Variants in PREPL observed in about 807,000 individuals in gnomAD.
PREPL encodes prolyl endopeptidase-like.
A neutral mutation model predicts 70.6 loss-of-function variants in PREPL; 77 were observed. That is an observed-to-expected ratio of 1.09 (90% confidence interval 0.91 to 1.32). PREPL has a LOEUF of 1.32. PREPL is among the 40% of genes most tolerant of loss of function. The pLI is 0.00. For missense variants in PREPL, 1,002 were observed against 778.2 expected (o/e 1.29, Z -3.42); for synonymous variants, 315 against 264.8 (o/e 1.19, Z -1.84).
In PREPL at chr2:44,321,445, T is replaced by A. The variant is rs751603399; in HGVS notation, c.1828A>T (p.Ile610Phe). 2.2e-5 allele frequency: 36 copies of A among 1,611,530 alleles called. No homozygotes were observed. In the Admixed American group the frequency reaches 5.7e-4, roughly 25 times the overall value. Reference protein sequence around the residue: ...NHVIEDSHKKITAQIKFLYEE... With the variant: ...NHVIEDSHKKFTAQIKFLYEE... ...TACAGGAATTTAATTTGGGCTGTAATCTAAAAGAAACACATTAAAAAAATT... is the reference window on the plus strand; with the variant it reads ...TACAGGAATTTAATTTGGGCTGTAAACTAAAAGAAACACATTAAAAAAATT... The change falls in exon 14 of 14, where the codon ATT (isoleucine) becomes TTT (phenylalanine). Residue 610 changes from isoleucine to phenylalanine, a missense_variant and splice_region_variant. Ile to Phe is a conservative substitution (Grantham distance 21). Transcript: ENST00000409411.
intron 8 of PREPL, among the ~76,000 whole-genome samples, chr2:44,331,036 G>C (rs2103814783): frequency 6.6e-6 from 1 of 152,158 alleles, no homozygotes; most frequent in South Asian, 2.1e-4. Flanking sequence ...TCAACCTCCT[G>C]GGCTCAAGCA....
chr2:44,334,286 C>G (rs1397161869), intron 7 of PREPL, among the ~76,000 whole-genome samples: 1 of 152,168 alleles, frequency 6.6e-6, no homozygotes, highest in African/African-American at 2.4e-5. Context: ...TCAGTTTTAG[C>G]ACTCTACCAG....
chr2:44,352,361 TCAAG>T (rs1317503449), intron 1 of PREPL, among the ~76,000 whole-genome samples: 7 of 152,258 alleles, frequency 4.6e-5, no homozygotes, highest in Non-Finnish European at 7.4e-5. Context: ...CCTCCTGGGC[TCAAG>T]CAATTGATCC....
chr2:44,327,065 G>C, intron 9 of PREPL, 137 bp from the exon 10 acceptor site: 1 of 700,738 alleles, frequency 1.4e-6, no homozygotes, highest in South Asian at 1.8e-5. Context: ...TAAAGGTTGA[G>C]TGAAAACAAG....
At chr2:44,349,760 A>G (rs2104085308) in intron 1 of PREPL, among the ~76,000 whole-genome samples, 1 of 152,276 alleles carries the variant, frequency 6.6e-6, no homozygotes, top group Admixed American at 6.5e-5. Flanking sequence ...GTCAAGAAAA[A>G]AGAATACGAG....
intron 1 of PREPL, chr2:44,356,367 C>T (rs1354069782): frequency 2.6e-5 from 4 of 152,104 alleles, no homozygotes; most frequent in African/African-American, 9.7e-5. Flanking sequence ...CGTGGTGAAA[C>T]CCTGTCTCTA....
At position 44,322,759 on chromosome 2, in the gene PREPL, G is replaced by C; in HGVS notation, c.1725C>G (p.Ile575Met). 4 of 1,613,814 alleles carry C rather than the reference G, an allele frequency of 2.5e-6. No individual in the cohort carries two copies. The highest frequency in any genetic ancestry group is 3.4e-6 in the Non-Finnish European group (4 of 1,179,800). The stretch of plus-strand genomic sequence containing the variant: ...CACCTGTGTCCTTAGCATGCTCCGC[G>C]ATGGCTTCCTTGAGTTTCTCAGTAT... ...VSYTEKLKEAIAEHAKDTGEG... is the reference protein window; with the variant it reads ...VSYTEKLKEAMAEHAKDTGEG... Residue 575 changes from isoleucine to methionine, a missense_variant, in exon 12 of 14, where the codon ATC becomes ATG. Ile to Met is a conservative substitution (Grantham distance 10). Coordinates refer to ENST00000409411, the MANE Select transcript of PREPL (RefSeq NM_001171613.2).
intron 4 of PREPL, 116 bp downstream of exon 4, chr2:44,343,629 T>A: frequency 1.2e-6 from 1 of 858,588 alleles, no homozygotes; most frequent in Non-Finnish European, 1.9e-6. Context: ...GTATAGTCCA[T>A]AGGGATACAT....
At chr2:44,343,717 C>T (rs948670478) in intron 4 of PREPL, 28 bp downstream of exon 4, 4 of 1,582,200 alleles carry the variant, frequency 2.5e-6, no homozygotes, top group East Asian at 4.5e-5. Flanking sequence ...CCTTTCAACA[C>T]AGAGGACTAT....
chr2:44,345,217 G>A (rs779427117), intron 2 of PREPL, among the ~76,000 whole-genome samples: 6 of 152,072 alleles, frequency 3.9e-5, no homozygotes, highest in Non-Finnish European at 8.8e-5. Context: ...AGTGGCTTAC[G>A]TTTATTATCT....
Position 44,322,744 on chromosome 2 carries a change from C to T in PREPL, c.1740G>A (p.Lys580=). 3 of 1,613,744 alleles carry T rather than the reference C, an allele frequency of 1.9e-6. No homozygotes were observed. The highest frequency in any genetic ancestry group is 2.2e-5 in the South Asian group (2 of 91,068). ...GGGGTCTCCTACCTTCACCTGTGTC[C>T]TTAGCATGCTCCGCGATGGCTTCCT... is the stretch of plus-strand genomic sequence containing the variant. ...KLKEAIAEHA[K]DTGEGYQTPN... is the part of the protein sequence containing the mutation. The change falls in exon 12 of 14, where the codon AAG becomes AAA. Residue 580 remains lysine (K), a synonymous_variant. Transcript: ENST00000409411.
At chr2:44,324,787 T>A (rs1673326780) in intron 10 of PREPL, among the ~76,000 whole-genome samples, 2 of 152,124 alleles carry the variant, frequency 1.3e-5, no homozygotes, top group South Asian at 4.1e-4. Flanking sequence ...CTCAGGAGGC[T>A]GAGGTGGGAG....
At chr2:44,335,121 A>G (rs1674508136) in intron 7 of PREPL, among the ~76,000 whole-genome samples, 1 of 152,212 alleles carries the variant, frequency 6.6e-6, no homozygotes, top group African/African-American at 2.4e-5. Context: ...AGAACATTAT[A>G]AAAGTCGTAA....
intron 7 of PREPL, among the ~76,000 whole-genome samples, chr2:44,337,334 T>C (rs1674739529): frequency 6.6e-6 from 1 of 152,216 alleles, no homozygotes; most frequent in Non-Finnish European, 1.5e-5. Flanking sequence ...GCACATTTTA[T>C]GTTTTTGATA....
intron 3 of PREPL, among the ~76,000 whole-genome samples, chr2:44,344,210 G>A (rs370597707): frequency 1.1e-4 from 17 of 152,078 alleles, no homozygotes; most frequent in African/African-American, 4.1e-4. Context: ...AGTATTTACA[G>A]ACCATACAGA....
intron 7 of PREPL, among the ~76,000 whole-genome samples, chr2:44,336,220 A>T (rs1674623442): frequency 6.6e-6 from 1 of 152,228 alleles, no homozygotes. Context: ...AAAGGAATAC[A>T]AATCGCTCTA....
Position 44,342,404 on chromosome 2 carries a change from A to C in PREPL, c.485+13T>G, listed in dbSNP as rs13395913. The C allele has an allele frequency of 6.3e-7, 1 of 1,591,720 alleles. No homozygotes were observed. Among genetic ancestry groups the C allele is most frequent in the Non-Finnish European group, 8.6e-7 (1 of 1,168,128 alleles). On this transcript the variant is annotated intron_variant, in intron 5 of 13. Coordinates refer to ENST00000409411, the MANE Select transcript of PREPL (RefSeq NM_001171613.2). ...GTTCTGGAGAGAAAGATTTAATTAT[A>C]TTATTCTAGTACCTTGGGTCTTTTT...
At position 44,332,601 on chromosome 2, in the gene PREPL, C is replaced by T. The variant is rs769885236; in HGVS notation, c.944G>A (p.Cys315Tyr). The T allele has an allele frequency of 1.2e-6, 2 of 1,613,768 alleles. No individual in the cohort carries two copies. Among genetic ancestry groups the T allele is most frequent in the African/African-American group, 2.7e-5 (2 of 74,892 alleles). ...TATTGGAGAGCAAAGTTGAAAGGGG[C>T]AGTTCTTTGGGTCAGAATTTGTATC... ...IMDTNSDPKN[C>Y]PFQLCSPIRP... is the part of the protein sequence containing the mutation. Residue 315 changes from cysteine to tyrosine, a missense_variant, in exon 8 of 14, where the codon TGC (cysteine) becomes TAC (tyrosine). By Grantham distance (194) the Cys-to-Tyr change is radical. Coordinates refer to ENST00000409411, the MANE Select transcript of PREPL (RefSeq NM_001171613.2).
intron 11 of PREPL, 84 bp downstream of exon 11, chr2:44,323,177 TA>T: frequency 7.6e-7 from 1 of 1,314,468 alleles, no homozygotes; most frequent in Non-Finnish European, 1.0e-6. Flanking sequence ...CTAAAGCTCC[TA>T]TTTTTGCTTC....
Sources: allele counts gnomAD v4.1 joint callset (sites outside exome capture counted in the v4.1 genomes callset), GRCh38; gene constraint gnomAD v4.1.1; transcripts MANE v1.5; gene names NCBI Gene and HGNC (gene_info 2026-07-23, HGNC 2026-07-21).